The following BRCA1 variants were observed in gnomAD, a reference collection of about 807,000 sequenced individuals.
BRCA1 encodes the protein BRCA1 DNA repair associated.
Under a neutral mutation model 173.7 loss-of-function variants are expected in BRCA1, and 140 were observed. That is an observed-to-expected ratio of 0.81 (90% confidence interval 0.70 to 0.93). The LOEUF is 0.93. Ranked by LOEUF, BRCA1 falls within the 40% of genes least tolerant of loss-of-function variation. The pLI is 0.00. For synonymous variants in BRCA1, 662 were observed against 756.0 expected (o/e 0.88, Z 2.04); for missense variants, 1,983 against 2,172.5 (o/e 0.91, Z 1.73).
intron 1 of BRCA1, among the ~76,000 whole-genome samples, chr17:43,143,692 AT>A (rs1301387556): frequency 6.6e-6 from 1 of 152,140 alleles, no homozygotes; most frequent in Non-Finnish European, 1.5e-5. Context: ...CTTCTGCAGC[AT>A]TCTGCTGCCG....
intron 11 of BRCA1, among the ~76,000 whole-genome samples, chr17:43,089,089 G>A (rs145647572): frequency 8.5e-5 from 13 of 152,184 alleles, no homozygotes; most frequent in East Asian, 7.7e-4. Context: ...GAGACGGGTG[G>A]ATTATTTGAG....
At chr17:43,139,398 C>T (rs1195448344) in intron 1 of BRCA1, among the ~76,000 whole-genome samples, 1 of 151,460 alleles carries the variant, frequency 6.6e-6, no homozygotes, top group Non-Finnish European at 1.5e-5. Flanking sequence ...GAGTCTCGCT[C>T]TGTTGCCCAG....
At chr17:43,124,649 C>A (rs1273562009) in intron 1 of BRCA1, 1 of 174,008 alleles carries the variant, frequency 5.7e-6, no homozygotes, top group Non-Finnish European at 1.2e-5. Flanking sequence ...TTCTTAAGTT[C>A]TCCCTCCCAC....
At chr17:43,106,185 G>A (rs779860754) in intron 4 of BRCA1, among the ~76,000 whole-genome samples, 1 of 151,894 alleles carries the variant, frequency 6.6e-6, no homozygotes, top group African/African-American at 2.4e-5. Context: ...CAGACAATGG[G>A]GGCACGGCGA....
chr17:43,091,222 G>A lies in BRCA1; in HGVS notation c.4097-190C>T, dbSNP rs1011199488. ...CCAGAAGTAAGTCCACCAGTAATTA[G>A]GATGTTAAAGCTCATTCAGTCAAAG... On this transcript the variant is annotated intron_variant, in intron 10 of 22. Transcript: ENST00000357654. 4.7e-6 allele frequency: 4 copies of A among 849,000 alleles called. No homozygotes were observed. The African/African-American group carries it at 5.1e-5, about 11-fold the overall frequency. The allele number at this position is 849,000 out of a possible 1,614,324, so 52.6% of individuals were successfully genotyped here. A position where few individuals can be genotyped will look rare whatever the true frequency, so the allele number is the denominator to read the frequency against.
chr17:43,122,267 A>G (rs1191623594), intron 2 of BRCA1, among the ~76,000 whole-genome samples: 1 of 152,180 alleles, frequency 6.6e-6, no homozygotes, highest in Non-Finnish European at 1.5e-5. Context: ...TTTTCAACTT[A>G]TTTTTTGAAT....
chr17:43,083,360 T>C (rs1246703398), intron 11 of BRCA1, among the ~76,000 whole-genome samples: 2 of 152,176 alleles, frequency 1.3e-5, no homozygotes, highest in Non-Finnish European at 2.9e-5. Context: ...TTTACTATGT[T>C]GGCCAGGCTG....
At chr17:43,119,487 G>A (rs1265749620) in intron 2 of BRCA1, among the ~76,000 whole-genome samples, 2 of 152,104 alleles carry the variant, frequency 1.3e-5, no homozygotes, top group African/African-American at 4.8e-5. Flanking sequence ...ACCTGAACCT[G>A]TTTCCTTCTC....
chr17:43,100,657 CAT>C (rs1215235568), intron 6 of BRCA1, among the ~76,000 whole-genome samples: 345 of 16,078 alleles, frequency 0.021, 36 homozygotes, highest in East Asian at 0.16. Flanking sequence ...ATATATATAA[CAT>C]ATATATATAT....
intron 3 of BRCA1, among the ~76,000 whole-genome samples, chr17:43,114,468 A>C (rs1370764337): frequency 6.6e-6 from 1 of 151,596 alleles, no homozygotes; most frequent in Non-Finnish European, 1.5e-5. Flanking sequence ...ACTCAGATGA[A>C]AATTATGGAC....
At chr17:43,126,192 T>C (rs1436782875), upstream of BRCA1, among the ~76,000 whole-genome samples, 1 of 152,194 alleles carries the variant, frequency 6.6e-6, no homozygotes, top group Non-Finnish European at 1.5e-5. Flanking sequence ...CACTCGTAGT[T>C]CCACCCCTCA....
intron 14 of BRCA1, among the ~76,000 whole-genome samples, chr17:43,072,105 A>G (rs2052474932): frequency 6.7e-6 from 1 of 149,810 alleles, no homozygotes; most frequent in Non-Finnish European, 1.5e-5. Flanking sequence ...ATAAGAGTAC[A>G]GGCCGGGTGC....
upstream of BRCA1, among the ~76,000 whole-genome samples, chr17:43,129,614 C>T (rs892501453): frequency 9.2e-5 from 14 of 151,852 alleles, no homozygotes; most frequent in Admixed American, 8.5e-4. Context: ...GCTGGGACTA[C>T]AGGCACCCGC....
upstream of BRCA1, among the ~76,000 whole-genome samples, chr17:43,127,820 C>T (rs35981166): frequency 1.3e-5 from 2 of 151,526 alleles, no homozygotes; most frequent in East Asian, 1.9e-4. Flanking sequence ...GTCAAGAGAT[C>T]GAGACCATCC....
At chr17:43,089,148 A>C (rs750927265) in intron 11 of BRCA1, among the ~76,000 whole-genome samples, 2 of 152,100 alleles carry the variant, frequency 1.3e-5, no homozygotes, top group Admixed American at 1.3e-4. Flanking sequence ...CCCTCTCTCT[A>C]CTAAAAAAAT....
chr17:43,064,827 A>ATTT (rs60879064), intron 16 of BRCA1, among the ~76,000 whole-genome samples: 8 of 106,676 alleles, frequency 7.5e-5, no homozygotes, highest in Admixed American at 2.1e-4. Context: ...TTTGATTTGC[A>ATTT]TTTTTTTTTT....
intron 5 of BRCA1, 107 bp downstream of exon 5, chr17:43,104,761 C>T: frequency 3.0e-6 from 3 of 984,058 alleles, no homozygotes; most frequent in Non-Finnish European, 4.9e-6. Context: ...CTAAAATTAA[C>T]CTAGACTAAA....
intron 10 of BRCA1, 38 bp downstream of exon 10, chr17:43,091,393 TATAA>T: frequency 1.9e-6 from 3 of 1,610,674 alleles, no homozygotes; most frequent in Non-Finnish European, 2.5e-6. Flanking sequence ...AGCTCACTTC[TATAA>T]ATAGACTGGG....
At chr17:43,146,682 A>G (rs2056123815) in intron 1 of BRCA1, among the ~76,000 whole-genome samples, 1 of 151,806 alleles carries the variant, frequency 6.6e-6, no homozygotes, top group East Asian at 1.9e-4. Flanking sequence ...TAAAATCTCA[A>G]TTATGAAAGA....
Sources: gnomAD v4.1 joint callset for allele counts (sites outside exome capture counted in the v4.1 genomes callset) on GRCh38, gnomAD v4.1.1 for gene constraint, MANE v1.5 for transcripts, NCBI Gene and HGNC (gene_info 2026-07-23, HGNC 2026-07-21) for gene names.